Variants in DAB1 observed in about 807,000 individuals in gnomAD.
The protein encoded by DAB1 is DAB adaptor protein 1.
In DAB1, 15 loss-of-function variants were observed where a neutral mutation model predicts 64.6. The ratio of observed to expected loss-of-function variants is 0.23; its 90% CI spans 0.16 to 0.36. The LOEUF is 0.36. Ranked by LOEUF, DAB1 falls within the 10% of genes least tolerant of loss-of-function variation. The probability of loss-of-function intolerance (pLI) is 1.00; values close to 1 mark genes in which losing one functional copy is unlikely to be tolerated. For synonymous variants in DAB1, 235 were observed against 251.9 expected, an observed-to-expected ratio of 0.93 and a Z score of 0.64; for missense variants, 596 against 706.7, an observed-to-expected ratio of 0.84 and a Z score of 1.78.
chr1:58,225,712 A>T (rs2100336691), intron 4 of DAB1, among the ~76,000 whole-genome samples: 1 of 151,106 alleles, frequency 6.6e-6, no homozygotes, highest in African/African-American at 2.4e-5. Flanking sequence ...TATCGCAAGG[A>T]CAAAAAACCA....
chr1:57,673,515 A>G (rs551534874), intron 6 of DAB1, among the ~76,000 whole-genome samples: 1 of 152,218 alleles, frequency 6.6e-6, no homozygotes, highest in South Asian at 2.1e-4. Context: ...AGGTGGTCAC[A>G]TTCAGTGTAA....
At chr1:58,022,155 C>G (rs1646824028) in intron 5 of DAB1, among the ~76,000 whole-genome samples, 1 of 152,166 alleles carries the variant, frequency 6.6e-6, no homozygotes. Context: ...CCTTGAGAAT[C>G]TGGCTGCTCT....
At chr1:57,217,451 T>C (rs890674210) in intron 2 of DAB1, among the ~76,000 whole-genome samples, 1 of 151,990 alleles carries the variant, frequency 6.6e-6, no homozygotes, top group Non-Finnish European at 1.5e-5. Flanking sequence ...TTGAGCTACC[T>C]CCAATTTGTG....
chr1:58,193,244 C>T (rs981196457), intron 4 of DAB1, among the ~76,000 whole-genome samples: 6 of 152,062 alleles, frequency 3.9e-5, no homozygotes, highest in African/African-American at 7.2e-5. Flanking sequence ...CCTTTCTCAC[C>T]GTCTTTTGCT....
intron 5 of DAB1, among the ~76,000 whole-genome samples, chr1:57,912,833 C>A (rs1644667654): frequency 6.6e-6 from 1 of 152,122 alleles, no homozygotes; most frequent in Non-Finnish European, 1.5e-5. Context: ...TGAGTGAACT[C>A]CCATTCACAA....
At chr1:58,124,749 T>C (rs1360627338) in intron 5 of DAB1, among the ~76,000 whole-genome samples, 3 of 152,206 alleles carry the variant, frequency 2.0e-5, no homozygotes, top group South Asian at 2.1e-4. Flanking sequence ...CCAGTGTCTT[T>C]GCATTTCTGA....
intron 1 of DAB1, among the ~76,000 whole-genome samples, chr1:57,829,070 AT>A (rs2101902395): frequency 6.6e-6 from 1 of 152,216 alleles, no homozygotes; most frequent in East Asian, 1.9e-4. Context: ...TAAATGTTTA[AT>A]TTTTCCCAAC....
At chr1:57,729,391 C>T (rs736336) in intron 6 of DAB1, among the ~76,000 whole-genome samples, 12 of 152,290 alleles carry the variant, frequency 7.9e-5, no homozygotes, top group East Asian at 1.9e-4. Flanking sequence ...TCTAGCAGTC[C>T]GCCCCGCTGC....
At chr1:57,313,425 G>T (rs1674907196) in intron 1 of DAB1, among the ~76,000 whole-genome samples, 1 of 152,148 alleles carries the variant, frequency 6.6e-6, no homozygotes, top group South Asian at 2.1e-4. Context: ...CATAATCTTT[G>T]ACCCTAAAAG....
chr1:58,399,727 G>A (rs338919), intron 3 of DAB1, among the ~76,000 whole-genome samples: 64,115 of 152,050 alleles, frequency 0.42, 14,059 homozygotes, highest in African/African-American at 0.49. Flanking sequence ...AACAACGAAT[G>A]CATGCCCAAC....
At chr1:57,174,292 C>T (rs1170608710) in intron 2 of DAB1, among the ~76,000 whole-genome samples, 3 of 152,128 alleles carry the variant, frequency 2.0e-5, no homozygotes, top group Non-Finnish European at 4.4e-5. Context: ...AGATACAGAC[C>T]TGGCCCAGGA....
chr1:58,543,156 T>C (rs943374754), intron 1 of DAB1, among the ~76,000 whole-genome samples: 3 of 152,208 alleles, frequency 2.0e-5, no homozygotes, highest in Non-Finnish European at 4.4e-5. Flanking sequence ...GAGCTTTTAC[T>C]TTATCCCCAA....
At chr1:57,094,522 C>T (rs759519152) in intron 4 of DAB1, among the ~76,000 whole-genome samples, 4 of 152,124 alleles carry the variant, frequency 2.6e-5, no homozygotes, top group Non-Finnish European at 5.9e-5. Flanking sequence ...AGGGAGGAGG[C>T]GAAGGGGGGA....
chr1:58,195,673 T>C (rs1657636999), intron 4 of DAB1, among the ~76,000 whole-genome samples: 1 of 152,190 alleles, frequency 6.6e-6, no homozygotes, highest in Non-Finnish European at 1.5e-5. Flanking sequence ...GACTGGAATA[T>C]AGCAAATATG....
intron 5 of DAB1, among the ~76,000 whole-genome samples, chr1:58,036,514 T>C: frequency 6.6e-6 from 1 of 152,226 alleles, no homozygotes; most frequent in East Asian, 1.9e-4. Flanking sequence ...TGTTTCATTA[T>C]CTACTTTATC....
chr1:58,044,594 A>T (rs1156823754), intron 5 of DAB1, among the ~76,000 whole-genome samples: 1 of 152,140 alleles, frequency 6.6e-6, no homozygotes, highest in Non-Finnish European at 1.5e-5. Flanking sequence ...ACTGCATATC[A>T]GGCTTTTACT....
chr1:57,016,891 T>C (rs1191269863), intron 11 of DAB1, among the ~76,000 whole-genome samples: 2 of 152,084 alleles, frequency 1.3e-5, no homozygotes, highest in Non-Finnish European at 2.9e-5. Context: ...GTAGGTATTA[T>C]TATCTGTATT....
chr1:58,488,730 G>GT (rs1645620764), intron 3 of DAB1, among the ~76,000 whole-genome samples: 1 of 152,148 alleles, frequency 6.6e-6, no homozygotes, highest in South Asian at 2.1e-4. Flanking sequence ...GATTACAGGC[G>GT]TGAGCCACCA....
intron 3 of DAB1, among the ~76,000 whole-genome samples, chr1:57,137,451 T>G (rs752739192): frequency 3.9e-4 from 59 of 152,174 alleles, no homozygotes; most frequent in Non-Finnish European, 7.3e-4. Context: ...CCTCCAAAGT[T>G]GATATGATTC....
Sources: gnomAD v4.1 joint callset for allele counts (sites outside exome capture counted in the v4.1 genomes callset) on GRCh38, gnomAD v4.1.1 for gene constraint, MANE v1.5 for transcripts, NCBI Gene and HGNC (gene_info 2026-07-23, HGNC 2026-07-21) for gene names.